C5orf63: variants seen among roughly 807,000 people sequenced by gnomAD.
C5orf63 encodes chromosome 5 open reading frame 63.
Under a neutral mutation model 13.3 loss-of-function variants are expected in C5orf63, and 18 were observed. That is an observed-to-expected ratio of 1.36 (90% CI 0.94 to 2.01). C5orf63 has a LOEUF of 2.01. Among genes scored for constraint, C5orf63 ranks in the 30% most tolerant of loss-of-function variants. The pLI is 0.00. For missense variants in C5orf63, 118 were observed against 127.7 expected (o/e 0.92, Z 0.36); for synonymous variants, 38 against 44.7 (o/e 0.85, Z 0.60).
At chr5:127,049,559 G>C (rs1048149628), downstream of C5orf63, among the ~76,000 whole-genome samples, 1 of 152,108 alleles carries the variant, frequency 6.6e-6, no homozygotes, top group Non-Finnish European at 1.5e-5. Context: ...TTATTCACTT[G>C]TCTCTCCTTG....
At chr5:127,072,806 C>T (rs1447965165) in intron 1 of C5orf63, among the ~76,000 whole-genome samples, 1 of 152,184 alleles carries the variant, frequency 6.6e-6, no homozygotes, top group Admixed American at 6.5e-5. Context: ...TACCCTTGGA[C>T]TTATTAAAAA....
Position 127,051,474 on chromosome 5 carries a change from G to T in C5orf63, c.*297C>A. 3 of 1,233,962 alleles carry T rather than the reference G, an allele frequency of 2.4e-6. No homozygotes were observed. Among genetic ancestry groups the T allele is most frequent in the Non-Finnish European group, 3.0e-6 (3 of 989,258 alleles). The allele number at this position is 1,233,962 out of a possible 1,614,324, so 76.4% of individuals were successfully genotyped here. A position where few individuals can be genotyped will look rare whatever the true frequency, so the allele number is the denominator to read the frequency against. ...ATAAATGGCATTGCCCAGTGACTGT[G>T]AAGTGCTTCTCTATTAATACAAAAA... On this transcript the variant is annotated 3_prime_UTR_variant, in exon 5 of 5. Coordinates refer to ENST00000296662, the MANE Select transcript of C5orf63 (RefSeq NM_001164478.2).
intron 3 of C5orf63, among the ~76,000 whole-genome samples, chr5:127,058,043 A>C (rs563603423): frequency 6.6e-6 from 1 of 152,318 alleles, no homozygotes; most frequent in African/African-American, 2.4e-5. Context: ...TTTATTAAAA[A>C]AATTTTTTTT....
chr5:127,068,771 G>A (rs1280034666), intron 2 of C5orf63, among the ~76,000 whole-genome samples: 2 of 152,122 alleles, frequency 1.3e-5, no homozygotes, highest in Non-Finnish European at 2.9e-5. Flanking sequence ...ACTCAGTAAT[G>A]GGGTTGGTGC....
chr5:127,068,813 A>G (rs1159638965), intron 2 of C5orf63, among the ~76,000 whole-genome samples: 1 of 152,174 alleles, frequency 6.6e-6, no homozygotes, highest in Admixed American at 6.5e-5. Flanking sequence ...GTTTCCAAAC[A>G]CTCAGCTAAG....
intron 3 of C5orf63, among the ~76,000 whole-genome samples, chr5:127,058,487 AC>A (rs1274568297): frequency 3.9e-5 from 6 of 152,212 alleles, no homozygotes; most frequent in African/African-American, 1.4e-4. Context: ...AAATATTATG[AC>A]CAGAGACTCA....
downstream of C5orf63, chr5:127,047,984 C>A: frequency 1.6e-6 from 1 of 621,132 alleles, no homozygotes; most frequent in Non-Finnish European, 2.9e-6. Flanking sequence ...TGTATACTGG[C>A]CTACTTTCTG....
chr5:127,047,716 A>G (rs541525107), downstream of C5orf63: 33 of 703,876 alleles, frequency 4.7e-5, no homozygotes, highest in Non-Finnish European at 7.5e-5. Context: ...ACTCTTGAAC[A>G]TTCTCAGGCA....
chr5:127,043,209 T>G (rs140823888), downstream of C5orf63: 1 of 152,328 alleles, frequency 6.6e-6, no homozygotes, highest in East Asian at 1.9e-4. Context: ...AGGGAGTAAC[T>G]AAATTTTATC....
downstream of C5orf63, chr5:127,046,538 C>CT (rs1753524903): frequency 1.3e-5 from 2 of 152,228 alleles, no homozygotes; most frequent in African/African-American, 2.4e-5. Flanking sequence ...CATTCTTAAG[C>CT]TTTTTGGAGG....
At chr5:127,072,977 C>T (rs115258921) in intron 1 of C5orf63, 4,286 of 152,292 alleles carry the variant, frequency 0.028, 94 homozygotes, top group Middle Eastern at 0.044. Flanking sequence ...TCACAATGTT[C>T]CCTGCTGCAC....
intron 3 of C5orf63, among the ~76,000 whole-genome samples, chr5:127,054,831 T>C (rs1753818069): frequency 6.6e-6 from 1 of 152,212 alleles, no homozygotes; most frequent in African/African-American, 2.4e-5. Context: ...TCCTGAATGG[T>C]ATTGCTTAGG....
chr5:127,071,357 T>C (rs1356154648), intron 2 of C5orf63, among the ~76,000 whole-genome samples: 1 of 152,242 alleles, frequency 6.6e-6, no homozygotes, highest in Non-Finnish European at 1.5e-5. Context: ...ACTTTAACTT[T>C]GGTAAGGATT....
downstream of C5orf63, among the ~76,000 whole-genome samples, chr5:127,049,148 A>G (rs1056792564): frequency 6.6e-6 from 1 of 152,070 alleles, no homozygotes; most frequent in African/African-American, 2.4e-5. Flanking sequence ...GAGGCCAGAC[A>G]CCCCTGAGTA....
At chr5:127,068,384 T>C (rs1334181882) in intron 2 of C5orf63, among the ~76,000 whole-genome samples, 3 of 152,158 alleles carry the variant, frequency 2.0e-5, no homozygotes, top group African/African-American at 7.2e-5. Context: ...CTGCATACTC[T>C]CTTTTCTCAC....
chr5:127,071,037 A>C (rs186991252), intron 2 of C5orf63, among the ~76,000 whole-genome samples: 6 of 152,274 alleles, frequency 3.9e-5, no homozygotes, highest in Non-Finnish European at 7.4e-5. Context: ...CTTTTTATAG[A>C]TCCAACCTCC....
At chr5:127,071,208 A>T (rs1754526095) in intron 2 of C5orf63, among the ~76,000 whole-genome samples, 1 of 152,204 alleles carries the variant, frequency 6.6e-6, no homozygotes. Context: ...AACAAATAAC[A>T]CAATACCACA....
chr5:127,053,843 T>C (rs1487196143), intron 3 of C5orf63, among the ~76,000 whole-genome samples: 2 of 152,214 alleles, frequency 1.3e-5, no homozygotes, highest in African/African-American at 2.4e-5. Flanking sequence ...CTGATGGACA[T>C]TGGGGTTGGT....
At chr5:127,062,142 T>C (rs142695787) in intron 2 of C5orf63, among the ~76,000 whole-genome samples, 2 of 152,372 alleles carry the variant, frequency 1.3e-5, no homozygotes, top group East Asian at 3.9e-4. Flanking sequence ...CATGTGGTCT[T>C]GGTTGCACCC....
Sources: allele counts gnomAD v4.1 joint callset (sites outside exome capture counted in the v4.1 genomes callset), GRCh38; gene constraint gnomAD v4.1.1; transcripts MANE v1.5; gene names NCBI Gene and HGNC (gene_info 2026-07-23, HGNC 2026-07-21).